The following RBMS3 variants were observed in gnomAD, a reference collection of about 807,000 sequenced individuals.
RBMS3 encodes RNA binding motif single stranded interacting protein 3, also known as RNA-binding motif, single-stranded-interacting protein 3.
In RBMS3, 27 loss-of-function variants were observed where a neutral mutation model predicts 66.8. The observed-to-expected ratio is 0.40, with a 90% CI of 0.30 to 0.56. The LOEUF (loss-of-function observed/expected upper bound fraction) is 0.56. RBMS3 is among the 20% of genes least tolerant of loss of function. The pLI is 0.40. For missense variants in RBMS3, 513 were observed against 549.5 expected (o/e 0.93, Z 0.66); for synonymous variants, 188 against 183.0 (o/e 1.03, Z -0.22).
chr3:29,998,266 G>C (rs1361290674), intron 14 of RBMS3, among the ~76,000 whole-genome samples: 1 of 152,068 alleles, frequency 6.6e-6, no homozygotes, highest in South Asian at 2.1e-4. Context: ...AAATAAAAGA[G>C]GATACAAACA....
At chr3:29,756,398 C>T (rs963788560) in intron 5 of RBMS3, among the ~76,000 whole-genome samples, 1 of 152,108 alleles carries the variant, frequency 6.6e-6, no homozygotes, top group Non-Finnish European at 1.5e-5. Context: ...GTTTCATGGA[C>T]TCACAGATCC....
chr3:29,428,125 T>G (rs940289986), intron 1 of RBMS3, among the ~76,000 whole-genome samples: 1 of 152,050 alleles, frequency 6.6e-6, no homozygotes, highest in African/African-American at 2.4e-5. Flanking sequence ...GGCCATTGAG[T>G]TAGTATCATT....
At chr3:29,664,679 T>TA (rs557734841) in intron 4 of RBMS3, among the ~76,000 whole-genome samples, 101 of 143,376 alleles carry the variant, frequency 7.0e-4, no homozygotes, top group East Asian at 5.4e-3. Context: ...CTCAGATGAT[T>TA]AAAAAAAAAA....
intron 4 of RBMS3, among the ~76,000 whole-genome samples, chr3:29,704,768 TTAGA>T (rs762367140): frequency 3.0e-4 from 46 of 152,342 alleles, no homozygotes; most frequent in Non-Finnish European, 5.3e-4. Context: ...TAAAAAATTG[TTAGA>T]TAGAAGGGAA....
chr3:29,585,089 C>T (rs1282691419), intron 3 of RBMS3, among the ~76,000 whole-genome samples: 1 of 152,112 alleles, frequency 6.6e-6, no homozygotes, highest in East Asian at 1.9e-4. Flanking sequence ...TGCATGGGAA[C>T]TGAGGTTTTC....
chr3:29,556,660 G>A (rs1480565469), intron 3 of RBMS3, among the ~76,000 whole-genome samples: 4 of 152,072 alleles, frequency 2.6e-5, no homozygotes, highest in Non-Finnish European at 1.5e-5. Flanking sequence ...TACTCTCAGT[G>A]CTCTGCACAG....
intron 12 of RBMS3, among the ~76,000 whole-genome samples, chr3:29,976,352 T>G (rs976037662): frequency 6.6e-6 from 1 of 152,072 alleles, no homozygotes; most frequent in Non-Finnish European, 1.5e-5. Context: ...TGCTCTGTAT[T>G]CACCTCCTGG....
chr3:29,993,750 A>G (rs1699033039), intron 14 of RBMS3, among the ~76,000 whole-genome samples: 1 of 152,208 alleles, frequency 6.6e-6, no homozygotes, highest in South Asian at 2.1e-4. Context: ...TAGAACTAGA[A>G]TTTACATCAA....
chr3:29,407,709 G>A (rs1405251496), intron 1 of RBMS3, among the ~76,000 whole-genome samples: 1 of 152,010 alleles, frequency 6.6e-6, no homozygotes, highest in African/African-American at 2.4e-5. Context: ...TGCTTCTGTG[G>A]CTGAAATGCC....
chr3:29,653,498 C>T (rs1044528666), intron 4 of RBMS3, among the ~76,000 whole-genome samples: 2 of 152,072 alleles, frequency 1.3e-5, no homozygotes, highest in Non-Finnish European at 2.9e-5. Context: ...AGGCTAGACA[C>T]GCAGTGATAT....
intron 1 of RBMS3, among the ~76,000 whole-genome samples, chr3:29,410,794 G>C (rs539220785): frequency 6.6e-6 from 1 of 152,122 alleles, no homozygotes; most frequent in African/African-American, 2.4e-5. Context: ...TGTGTGTGTG[G>C]TCTGGTGTTG....
chr3:29,622,749 C>T (rs2048910731), intron 4 of RBMS3, among the ~76,000 whole-genome samples: 1 of 152,186 alleles, frequency 6.6e-6, no homozygotes, highest in African/African-American at 2.4e-5. Flanking sequence ...CACATTCCAA[C>T]TCTGCCACTG....
chr3:29,748,173 G>T (rs1353815608), intron 5 of RBMS3, among the ~76,000 whole-genome samples: 1 of 152,132 alleles, frequency 6.6e-6, no homozygotes, highest in African/African-American at 2.4e-5. Context: ...ATCTCTTAGT[G>T]GGAGTAGGGA....
chr3:29,630,000 A>G (rs541684811), intron 4 of RBMS3, among the ~76,000 whole-genome samples: 6 of 152,238 alleles, frequency 3.9e-5, no homozygotes, highest in African/African-American at 1.4e-4. Flanking sequence ...AAAAGATAGG[A>G]TGTCAGAAAC....
intron 6 of RBMS3, among the ~76,000 whole-genome samples, chr3:29,804,005 T>C (rs1340014993): frequency 6.6e-6 from 1 of 152,044 alleles, no homozygotes; most frequent in Non-Finnish European, 1.5e-5. Context: ...ACAAAATCAT[T>C]AGAGAACACC....
intron 6 of RBMS3, among the ~76,000 whole-genome samples, chr3:29,865,503 C>T (rs149691564): frequency 1.2e-3 from 178 of 152,218 alleles, no homozygotes; most frequent in African/African-American, 3.8e-3. Context: ...TTCTTACAGC[C>T]GTAAGGCAGA....
At chr3:29,788,077 C>T (rs1160007796) in intron 6 of RBMS3, among the ~76,000 whole-genome samples, 1 of 152,048 alleles carries the variant, frequency 6.6e-6, no homozygotes, top group Non-Finnish European at 1.5e-5. Context: ...GTCAACATTC[C>T]CTGTGTCCAG....
intron 2 of RBMS3, among the ~76,000 whole-genome samples, chr3:29,482,347 G>A (rs536815157): frequency 1.3e-5 from 2 of 152,272 alleles, no homozygotes; most frequent in African/African-American, 2.4e-5. Flanking sequence ...GAACTTGAAA[G>A]TATGCATTTT....
At chr3:29,650,535 C>G (rs560271622) in intron 4 of RBMS3, among the ~76,000 whole-genome samples, 1 of 152,228 alleles carries the variant, frequency 6.6e-6, no homozygotes, top group African/African-American at 2.4e-5. Context: ...TCAAATGATC[C>G]TCCTGCCTCG....
Sources: allele counts gnomAD v4.1 joint callset (sites outside exome capture counted in the v4.1 genomes callset), GRCh38; gene constraint gnomAD v4.1.1; transcripts MANE v1.5; gene names NCBI Gene and HGNC (gene_info 2026-07-23, HGNC 2026-07-21).